ASPH: variants seen among roughly 807,000 people sequenced by gnomAD.
The protein encoded by ASPH is aspartyl/asparaginyl beta-hydroxylase.
Under a neutral mutation model 118.4 loss-of-function variants are expected in ASPH, and 100 were observed. The ratio of observed to expected loss-of-function variants is 0.84; its 90% confidence interval spans 0.72 to 1.00. ASPH has a LOEUF of 1.00. Ranked by LOEUF, ASPH falls within the 50% of genes least tolerant of loss-of-function variation. ASPH has a pLI of 0.00. For missense variants in ASPH, 920 were observed against 919.5 expected (o/e 1.00, Z -0.01); for synonymous variants, 315 against 325.6 (o/e 0.97, Z 0.35).
intron 13 of ASPH, chr8:61,625,674 CA>C (rs1852502394): frequency 1.0e-6 from 1 of 984,414 alleles, no homozygotes; most frequent in African/African-American, 1.7e-5. Context: ...CTAAAAGCTA[CA>C]AAAATTTCAA....
intron 13 of ASPH, among the ~76,000 whole-genome samples, chr8:61,626,593 A>G (rs1294204581): frequency 6.6e-6 from 1 of 152,080 alleles, no homozygotes; most frequent in Non-Finnish European, 1.5e-5. Flanking sequence ...TCTATTAAAA[A>G]GAAACAGAAA....
intron 24 of ASPH, among the ~76,000 whole-genome samples, chr8:61,516,619 T>A (rs1046450960): frequency 6.6e-6 from 1 of 152,156 alleles, no homozygotes; most frequent in Non-Finnish European, 1.5e-5. Flanking sequence ...GTAATATATA[T>A]TAATGAATAA....
intron 21 of ASPH, among the ~76,000 whole-genome samples, chr8:61,537,907 T>C (rs962939064): frequency 3.9e-5 from 6 of 152,022 alleles, no homozygotes; most frequent in African/African-American, 1.2e-4. Flanking sequence ...TTGTATGAAA[T>C]AACTCAAAGA....
intron 10 of ASPH, among the ~76,000 whole-genome samples, chr8:61,640,192 T>C (rs1020909399): frequency 2.0e-5 from 3 of 152,164 alleles, no homozygotes; most frequent in Admixed American, 6.6e-5. Context: ...TCATCTCCTT[T>C]GGTTCCTTCA....
At chr8:61,710,194 G>A (rs1336600569) in intron 1 of ASPH, among the ~76,000 whole-genome samples, 1 of 152,184 alleles carries the variant, frequency 6.6e-6, no homozygotes, top group Non-Finnish European at 1.5e-5. Flanking sequence ...TTACATTTAA[G>A]GAGGCTGGGA....
At chr8:61,696,631 A>G (rs969432123) in intron 1 of ASPH, among the ~76,000 whole-genome samples, 2 of 151,216 alleles carry the variant, frequency 1.3e-5, no homozygotes, top group African/African-American at 4.9e-5. Flanking sequence ...TTCTCCCTAC[A>G]GAGCACTCAA....
intron 18 of ASPH, among the ~76,000 whole-genome samples, chr8:61,559,946 G>T (rs36005193): frequency 4.6e-5 from 7 of 152,180 alleles, no homozygotes; most frequent in South Asian, 2.1e-4. Context: ...AGGGTTGGGG[G>T]GGGGAGCAAG....
rs151156995 is a variant in ASPH at position 61,578,990 on chromosome 8, C to T, written c.1063-2132G>A. 3.5e-4 allele frequency: 563 copies of T among 1,610,666 alleles called. 2 individuals are homozygous for T. The African/African-American group carries it at 5.8e-3, about 17-fold the overall frequency. On this transcript the variant is annotated intron_variant, in intron 15 of 24. Coordinates refer to ENST00000379454, the MANE Select transcript of ASPH (RefSeq NM_004318.4). Reference sequence around the variant, plus strand: ...ACAACAGCCGCTCCCTGGACATGGACAGCATCATTGCTGAGGTCAAGGCAC... The same window carrying T: ...ACAACAGCCGCTCCCTGGACATGGATAGCATCATTGCTGAGGTCAAGGCAC...
At chr8:61,564,397 C>G (rs1263702702) in intron 17 of ASPH, among the ~76,000 whole-genome samples, 1 of 149,994 alleles carries the variant, frequency 6.7e-6, no homozygotes, top group Non-Finnish European at 1.5e-5. Flanking sequence ...CTTCCGGGTT[C>G]AAGTGATTCT....
At chr8:61,546,753 C>A (rs1265927118) in intron 21 of ASPH, among the ~76,000 whole-genome samples, 2 of 152,064 alleles carry the variant, frequency 1.3e-5, no homozygotes, top group Non-Finnish European at 2.9e-5. Flanking sequence ...CCCAAGTAGA[C>A]CAAATTAATC....
intron 15 of ASPH, chr8:61,578,120 C>T: frequency 7.9e-7 from 1 of 1,268,170 alleles, no homozygotes; most frequent in Non-Finnish European, 1.1e-6. Context: ...GATAAATGCT[C>T]CCATTCAAAA....
intron 1 of ASPH, among the ~76,000 whole-genome samples, chr8:61,690,865 C>T (rs1165972620): frequency 6.6e-6 from 1 of 151,992 alleles, no homozygotes; most frequent in African/African-American, 2.4e-5. Context: ...AAATACACCA[C>T]TAGATCAATT....
chr8:61,576,803 T>C lies in ASPH; in HGVS notation c.1118A>G (p.Gln373Arg), dbSNP rs775237436. The C allele has an allele frequency of 6.2e-7, 1 of 1,610,130 alleles. No individual in the cohort carries two copies. The highest frequency in any genetic ancestry group is 1.1e-5 in the South Asian group (1 of 90,160). The change falls in exon 16 of 25, where the codon CAG becomes CGG. Residue 373 changes from glutamine to arginine, a missense_variant. Gln to Arg is a conservative substitution (Grantham distance 43). Transcript: ENST00000379454. The stretch of plus-strand genomic sequence containing the variant: ...CTTCCCATATCTTGCTCGTGGACTC[T>C]GAGGGTATTTGCGTACTAGTTCTTT... ...AFKELVRKYPQSPRARYGKAQ... is the reference protein window; with the variant it reads ...AFKELVRKYPRSPRARYGKAQ...
intron 1 of ASPH, among the ~76,000 whole-genome samples, chr8:61,698,280 T>C (rs1310350256): frequency 6.6e-6 from 1 of 152,226 alleles, no homozygotes. Context: ...TGAATATAGT[T>C]TGAACAGTTG....
Position 61,684,159 on chromosome 8 carries a change from T to C in ASPH, c.133A>G (p.Arg45Gly). The C allele has an allele frequency of 1.2e-6, 2 of 1,613,422 alleles. No homozygotes were observed. The highest frequency in any genetic ancestry group is 1.7e-6 in the Non-Finnish European group (2 of 1,179,590). Residue 45 changes from arginine to glycine, a missense_variant, in exon 2 of 25, where the codon AGG (arginine) becomes GGG (glycine). By Grantham distance (125) the Arg-to-Gly change is moderately radical. Coordinates refer to ENST00000379454, the MANE Select transcript of ASPH (RefSeq NM_004318.4). ...ETKHGGHKNG[R>G]KGGLSGTSFF... ...GAAGTTCCTGAGAGTCCGCCTTTCCTCCCATTCTTGTGTCCTCCATGCTTT... is the reference window on the plus strand; with the variant it reads ...GAAGTTCCTGAGAGTCCGCCTTTCCCCCCATTCTTGTGTCCTCCATGCTTT...
At chr8:61,545,023 T>C (rs1483219665) in intron 21 of ASPH, among the ~76,000 whole-genome samples, 1 of 151,984 alleles carries the variant, frequency 6.6e-6, no homozygotes, top group Non-Finnish European at 1.5e-5. Flanking sequence ...GGAAGGTCTG[T>C]TGGAAGAATT....
intron 18 of ASPH, among the ~76,000 whole-genome samples, chr8:61,559,064 A>T (rs886503171): frequency 6.6e-6 from 1 of 152,058 alleles, no homozygotes; most frequent in Non-Finnish European, 1.5e-5. Context: ...GTAGGTACAT[A>T]GTAGGTGTAT....
rs1587184143 is a variant in ASPH at position 61,562,731 on chromosome 8, G to A, written c.1437+13C>T. 1 of 1,596,794 alleles carries A rather than the reference G, an allele frequency of 6.3e-7. No individual in the cohort carries two copies. On this transcript the variant is annotated intron_variant, in intron 18 of 24. Transcript: ENST00000379454. ...ACTTAATTTGACGTAGTTAATACAA[G>A]ATTGATGCTTACCTCTTCATAAACT...
intron 12 of ASPH, among the ~76,000 whole-genome samples, chr8:61,634,002 TG>T (rs1856731419): frequency 6.6e-6 from 1 of 152,188 alleles, no homozygotes; most frequent in Non-Finnish European, 1.5e-5. Flanking sequence ...AAAGGAGCTA[TG>T]GACTAAAACT....
Sources: gnomAD v4.1 joint callset for allele counts (sites outside exome capture counted in the v4.1 genomes callset) on GRCh38, gnomAD v4.1.1 for gene constraint, MANE v1.5 for transcripts, NCBI Gene and HGNC (gene_info 2026-07-23, HGNC 2026-07-21) for gene names.